Variants in GABRB1 observed in about 807,000 individuals in gnomAD.
The protein encoded by GABRB1 is gamma-aminobutyric acid type A receptor subunit beta1, also known as gamma-aminobutyric acid receptor subunit beta-1.
Under a neutral mutation model 51.6 loss-of-function variants are expected in GABRB1, and 17 were observed. That is an observed-to-expected ratio of 0.33 (90% CI 0.23 to 0.49). GABRB1 has a LOEUF of 0.49. GABRB1 is among the 20% of genes least tolerant of loss of function. The pLI, the probability that GABRB1 is intolerant of heterozygous loss-of-function variation, is 0.99. For synonymous variants in GABRB1, 247 were observed against 218.9 expected, an observed-to-expected ratio of 1.13 and a Z score of -1.14; for missense variants, 410 against 600.6, an observed-to-expected ratio of 0.68 and a Z score of 3.32.
chr4:47,186,455 T>G (rs1422422051), intron 4 of GABRB1, among the ~76,000 whole-genome samples: 1 of 151,814 alleles, frequency 6.6e-6, no homozygotes. Context: ...TCTGAAAACA[T>G]TAGGGTAGTC....
At chr4:47,302,871 A>G (rs1363201331) in intron 4 of GABRB1, among the ~76,000 whole-genome samples, 1 of 151,978 alleles carries the variant, frequency 6.6e-6, no homozygotes, top group Non-Finnish European at 1.5e-5. Context: ...GAAAATGTTT[A>G]TCATGACTTT....
intron 1 of GABRB1, among the ~76,000 whole-genome samples, chr4:47,018,590 C>T (rs1577829375): frequency 6.6e-6 from 1 of 152,148 alleles, no homozygotes; most frequent in African/African-American, 2.4e-5. Context: ...TAATAGCCTA[C>T]TCTTGGCCAG....
At chr4:47,392,870 A>C (rs894996792) in intron 5 of GABRB1, among the ~76,000 whole-genome samples, 1 of 152,244 alleles carries the variant, frequency 6.6e-6, no homozygotes, top group Non-Finnish European at 1.5e-5. Context: ...TAGAAGAGAA[A>C]GAAGGTATGT....
At chr4:47,262,613 A>G (rs1722484786) in intron 4 of GABRB1, among the ~76,000 whole-genome samples, 1 of 152,212 alleles carries the variant, frequency 6.6e-6, no homozygotes, top group Admixed American at 6.5e-5. Flanking sequence ...AAACTAGTTC[A>G]ACCCTTGTGG....
At chr4:47,123,891 AAT>A (rs1560545857) in intron 3 of GABRB1, among the ~76,000 whole-genome samples, 2 of 83,776 alleles carry the variant, frequency 2.4e-5, no homozygotes, top group African/African-American at 4.1e-5. Context: ...TAATATATAT[AAT>A]ATATAATATA....
chr4:47,031,563 G>A, upstream of GABRB1: 1 of 1,071,708 alleles, frequency 9.3e-7, no homozygotes, highest in Non-Finnish European at 1.4e-6. Context: ...GCATGCGCAG[G>A]TCCATTCGGG....
At chr4:47,065,351 T>C (rs139920971) in intron 3 of GABRB1, among the ~76,000 whole-genome samples, 28 of 152,372 alleles carry the variant, frequency 1.8e-4, no homozygotes, top group Admixed American at 5.9e-4. Context: ...CATGTGATAT[T>C]TTTCCCCTTT....
intron 3 of GABRB1, among the ~76,000 whole-genome samples, chr4:47,101,503 C>T (rs561271392): frequency 1.3e-5 from 2 of 152,102 alleles, no homozygotes; most frequent in African/African-American, 4.8e-5. Flanking sequence ...AATTCAGATA[C>T]ACAGAATTTT....
At chr4:47,408,500 G>A (rs1357005497) in intron 8 of GABRB1, among the ~76,000 whole-genome samples, 1 of 152,184 alleles carries the variant, frequency 6.6e-6, no homozygotes, top group African/African-American at 2.4e-5. Flanking sequence ...TCAGCCAAGT[G>A]GTTAAAATTC....
At chr4:47,134,929 C>A (rs1348924803) in intron 3 of GABRB1, among the ~76,000 whole-genome samples, 2 of 152,028 alleles carry the variant, frequency 1.3e-5, no homozygotes, top group Non-Finnish European at 2.9e-5. Context: ...TCAGCCTGGG[C>A]AACATAGTGA....
At chr4:47,309,065 GA>G (rs970659950) in intron 4 of GABRB1, among the ~76,000 whole-genome samples, 6 of 152,106 alleles carry the variant, frequency 3.9e-5, no homozygotes, top group African/African-American at 1.4e-4. Flanking sequence ...TGGTTAATAG[GA>G]AGTATTAAAT....
intron 4 of GABRB1, among the ~76,000 whole-genome samples, chr4:47,311,060 CAAAAAAAAAAAAAA>C (rs34566582): frequency 1.9e-5 from 1 of 52,176 alleles, no homozygotes; most frequent in African/African-American, 8.4e-5. Flanking sequence ...AACTCTGTCT[CAAAAAAAAAAAAAA>C]AAAAAAAAAC....
chr4:47,330,925 C>A (rs549560607), intron 5 of GABRB1, among the ~76,000 whole-genome samples: 2 of 152,216 alleles, frequency 1.3e-5, no homozygotes, highest in African/African-American at 4.8e-5. Context: ...TTGCTGCCTG[C>A]CAAATCATTA....
intron 3 of GABRB1, among the ~76,000 whole-genome samples, chr4:47,068,201 C>T (rs547707641): frequency 1.3e-5 from 2 of 152,304 alleles, no homozygotes; most frequent in South Asian, 2.1e-4. Context: ...GGGTCTTGCT[C>T]TGGATTAGGT....
chr4:47,308,027 T>A (rs1164181762), intron 4 of GABRB1, among the ~76,000 whole-genome samples: 1 of 152,032 alleles, frequency 6.6e-6, no homozygotes, highest in Non-Finnish European at 1.5e-5. Flanking sequence ...TCTTTGGATA[T>A]AATAATCTTA....
At chr4:47,027,923 ATTATATTACTATTAGT>A (rs1725152385), upstream of GABRB1, among the ~76,000 whole-genome samples, 2 of 151,708 alleles carry the variant, frequency 1.3e-5, no homozygotes, top group Non-Finnish European at 3.0e-5. Flanking sequence ...CCAATAACAT[ATTATATTACTATTAGT>A]ATTACAAATC....
intron 3 of GABRB1, among the ~76,000 whole-genome samples, chr4:47,118,556 C>T (rs564536887): frequency 2.0e-4 from 30 of 152,230 alleles, no homozygotes; most frequent in African/African-American, 7.0e-4. Context: ...AATGCCTTTC[C>T]AGGATAAAAG....
In GABRB1 at chr4:47,327,242, A is replaced by G. The variant is rs374842041; in HGVS notation, c.544+7033A>G. On this transcript the variant is annotated intron_variant, in intron 5 of 8. Transcript: ENST00000295454. ...ACGATGGCATGGGCCTGTAGTCCCA[A>G]CTATCTGGGAGGTTGAGCTGGGAGG... Among the ~76,000 whole-genome samples the G allele has an allele frequency of 1.1e-4, 16 of 152,230 alleles. No homozygotes were observed. In the East Asian group the frequency reaches 3.1e-3, roughly 29 times the overall value.
At chr4:47,020,315 C>T (rs1374673403) in intron 1 of GABRB1, among the ~76,000 whole-genome samples, 2 of 152,138 alleles carry the variant, frequency 1.3e-5, no homozygotes, top group East Asian at 3.9e-4. Context: ...AGGTCTTCAA[C>T]TTATGAATTT....
Sources: gnomAD v4.1 joint callset for allele counts (sites outside exome capture counted in the v4.1 genomes callset) on GRCh38, gnomAD v4.1.1 for gene constraint, MANE v1.5 for transcripts, NCBI Gene and HGNC (gene_info 2026-07-23, HGNC 2026-07-21) for gene names.